The following DPYD variants were observed in gnomAD, a reference collection of about 807,000 sequenced individuals.
DPYD encodes dihydropyrimidine dehydrogenase [NADP(+)].
Under a neutral mutation model 116.2 loss-of-function variants are expected in DPYD, and 109 were observed. The ratio of observed to expected loss-of-function variants is 0.94; its 90% CI spans 0.80 to 1.10. The LOEUF (loss-of-function observed/expected upper bound fraction) is 1.10. Ranked by LOEUF, DPYD falls within the 50% of genes least tolerant of loss-of-function variation. DPYD has a pLI of 0.00. For missense variants in DPYD, 1,302 were observed against 1,254.5 expected (o/e 1.04, Z -0.57); for synonymous variants, 440 against 432.0 (o/e 1.02, Z -0.23).
At chr1:97,554,968 T>C (rs1651586865) in intron 11 of DPYD, among the ~76,000 whole-genome samples, 3 of 152,118 alleles carry the variant, frequency 2.0e-5, no homozygotes, top group Non-Finnish European at 4.4e-5. Flanking sequence ...GACATGGTTA[T>C]CTTTTCTCAC....
At chr1:97,481,190 CTT>C (rs1678275993) in intron 13 of DPYD, among the ~76,000 whole-genome samples, 1 of 151,940 alleles carries the variant, frequency 6.6e-6, no homozygotes, top group African/African-American at 2.4e-5. Context: ...GACGCTCAAC[CTT>C]ACTAATAGAA....
chr1:97,716,414 G>A (rs1168249196), intron 5 of DPYD, among the ~76,000 whole-genome samples: 4 of 151,888 alleles, frequency 2.6e-5, no homozygotes, highest in African/African-American at 9.7e-5. Context: ...TCAGTGAATG[G>A]ATGCATAAAT....
intron 2 of DPYD, among the ~76,000 whole-genome samples, chr1:97,833,912 T>A (rs1247611666): frequency 3.3e-5 from 5 of 152,242 alleles, no homozygotes; most frequent in Non-Finnish European, 5.9e-5. Context: ...AAAACCATGA[T>A]CCTTTTCCTT....
intron 18 of DPYD, among the ~76,000 whole-genome samples, chr1:97,255,678 T>A (rs1055050112): frequency 1.3e-5 from 2 of 148,870 alleles, no homozygotes; most frequent in African/African-American, 5.0e-5. Flanking sequence ...AACAGACTAA[T>A]ACAGAGGGGT....
chr1:97,117,132 C>T (rs887216746), intron 20 of DPYD, among the ~76,000 whole-genome samples: 10 of 151,838 alleles, frequency 6.6e-5, no homozygotes, highest in African/African-American at 2.4e-4. Context: ...CCACTGCATT[C>T]CAGCCTGGAC....
intron 3 of DPYD, among the ~76,000 whole-genome samples, chr1:97,762,008 G>A (rs1665601295): frequency 6.6e-6 from 1 of 152,094 alleles, no homozygotes; most frequent in Non-Finnish European, 1.5e-5. Context: ...CCCACTTGAG[G>A]GTGGACAGTG....
intron 13 of DPYD, among the ~76,000 whole-genome samples, chr1:97,459,059 TA>T (rs966200728): frequency 6.6e-6 from 1 of 151,778 alleles, no homozygotes; most frequent in Admixed American, 6.6e-5. Context: ...ATGTAAAATA[TA>T]AAAAAATTAA....
intron 13 of DPYD, among the ~76,000 whole-genome samples, chr1:97,485,013 C>T (rs192590470): frequency 3.8e-4 from 58 of 152,038 alleles, no homozygotes; most frequent in Middle Eastern, 3.4e-3. Flanking sequence ...TCTTTGTCTC[C>T]GATTTTCTGT....
At chr1:97,678,971 T>C in intron 8 of DPYD, 124 bp downstream of exon 8, 1 of 448,832 alleles carries the variant, frequency 2.2e-6, no homozygotes, top group East Asian at 3.6e-5. Context: ...CATTTCTATC[T>C]GTTATTCCCT....
intron 12 of DPYD, among the ~76,000 whole-genome samples, chr1:97,525,736 G>A (rs1344042283): frequency 1.4e-5 from 2 of 146,642 alleles, no homozygotes; most frequent in African/African-American, 5.1e-5. Context: ...AGTGGGAAGA[G>A]TAAGTAATTG....
At chr1:97,281,495 G>T (rs965813502) in intron 18 of DPYD, among the ~76,000 whole-genome samples, 8 of 151,882 alleles carry the variant, frequency 5.3e-5, no homozygotes, top group African/African-American at 1.9e-4. Context: ...ACTGATAGAA[G>T]AAACTAGAAT....
chr1:97,487,057 T>A (rs1425050774), intron 13 of DPYD, among the ~76,000 whole-genome samples: 2 of 152,134 alleles, frequency 1.3e-5, no homozygotes, highest in African/African-American at 4.8e-5. Flanking sequence ...TTTCACATAC[T>A]TTTTAAGAAA....
chr1:97,689,163 A>G lies in DPYD; in HGVS notation c.762+2554T>C, dbSNP rs149444552. Among the ~76,000 whole-genome samples the G allele has an allele frequency of 4.2e-3, 631 of 151,868 alleles. 17 individuals carry two copies. The East Asian group carries it at 0.064, about 16-fold the overall frequency. On this transcript the variant is annotated intron_variant, in intron 7 of 22. Transcript: ENST00000370192. The stretch of plus-strand genomic sequence containing the variant: ...AAAATTATCTTTATTCTCTTGTAAC[A>G]TGATATTTGACTTTAAAAAATTAAT...
intron 20 of DPYD, among the ~76,000 whole-genome samples, chr1:97,106,409 T>C (rs910984565): frequency 6.6e-6 from 1 of 152,126 alleles, no homozygotes; most frequent in Non-Finnish European, 1.5e-5. Flanking sequence ...AAATACGCCC[T>C]GAGTAAAGAG....
intron 18 of DPYD, among the ~76,000 whole-genome samples, chr1:97,264,162 G>GT (rs71071641): frequency 0.016 from 955 of 60,052 alleles, 137 homozygotes; most frequent in Admixed American, 0.031. Context: ...GCAAAATTCT[G>GT]TTTTTTTTTT....
At chr1:97,507,908 A>G (rs894067385) in intron 13 of DPYD, among the ~76,000 whole-genome samples, 60 of 152,136 alleles carry the variant, frequency 3.9e-4, no homozygotes, top group African/African-American at 1.4e-3. Context: ...GAAAGGAAAA[A>G]GAAAAGGCTT....
At chr1:97,838,093 G>T (rs1037741189) in intron 2 of DPYD, among the ~76,000 whole-genome samples, 1 of 152,018 alleles carries the variant, frequency 6.6e-6, no homozygotes, top group Non-Finnish European at 1.5e-5. Flanking sequence ...TATTTTCTCT[G>T]GTTAAACAGA....
intron 3 of DPYD, among the ~76,000 whole-genome samples, chr1:97,787,092 T>A (rs930696784): frequency 6.6e-5 from 10 of 152,162 alleles, no homozygotes; most frequent in Non-Finnish European, 1.3e-4. Flanking sequence ...ATGAAAAAAA[T>A]TGAACATTTG....
chr1:97,593,877 A>G (rs1654701383), intron 9 of DPYD, among the ~76,000 whole-genome samples: 2 of 152,184 alleles, frequency 1.3e-5, no homozygotes, highest in Admixed American at 6.5e-5. Flanking sequence ...AACGTGCTGA[A>G]TAAGTGTCCT....
Sources: allele counts gnomAD v4.1 joint callset (sites outside exome capture counted in the v4.1 genomes callset), GRCh38; gene constraint gnomAD v4.1.1; transcripts MANE v1.5; gene names NCBI Gene and HGNC (gene_info 2026-07-23, HGNC 2026-07-21).